SKAP1: variants seen among roughly 807,000 people sequenced by gnomAD.
SKAP1 encodes the protein src kinase associated phosphoprotein 1, also known as src kinase-associated phosphoprotein 1.
Under a neutral mutation model 58.5 loss-of-function variants are expected in SKAP1, and 44 were observed. That is an observed-to-expected ratio of 0.75 (90% CI 0.59 to 0.97). SKAP1 has a LOEUF of 0.97. Ranked by LOEUF, SKAP1 falls within the 50% of genes least tolerant of loss-of-function variation. SKAP1 has a pLI of 0.00. For synonymous variants in SKAP1, 127 were observed against 149.7 expected (o/e 0.85, Z 1.11); for missense variants, 390 against 435.2 (o/e 0.90, Z 0.92).
chr17:48,328,483 C>T (rs2066465552), intron 4 of SKAP1, among the ~76,000 whole-genome samples: 1 of 152,004 alleles, frequency 6.6e-6, no homozygotes, highest in Non-Finnish European at 1.5e-5. Flanking sequence ...TCTGTGATTT[C>T]TATAGGATGA....
chr17:48,156,518 G>A (rs1261731238), intron 11 of SKAP1: 2 of 523,758 alleles, frequency 3.8e-6, no homozygotes, highest in Admixed American at 2.0e-5. Context: ...AGGAAGGGAA[G>A]TTTAGTCCCT....
At chr17:48,310,347 A>T (rs974653668) in intron 4 of SKAP1, among the ~76,000 whole-genome samples, 2 of 152,246 alleles carry the variant, frequency 1.3e-5, no homozygotes, top group Admixed American at 1.3e-4. Flanking sequence ...AGTCAGAGAC[A>T]CTGGTTTGTT....
intron 4 of SKAP1, among the ~76,000 whole-genome samples, chr17:48,312,489 A>G (rs75454710): frequency 6.6e-6 from 1 of 152,238 alleles, no homozygotes; most frequent in Non-Finnish European, 1.5e-5. Flanking sequence ...TTTCTATAAC[A>G]CTATGTGAAA....
At chr17:48,264,146 G>A (rs2065515407) in intron 4 of SKAP1, among the ~76,000 whole-genome samples, 1 of 150,558 alleles carries the variant, frequency 6.6e-6, no homozygotes, top group African/African-American at 2.5e-5. Flanking sequence ...ACATGGAAAT[G>A]GTTAAAATTG....
intron 1 of SKAP1, among the ~76,000 whole-genome samples, chr17:48,411,134 T>G (rs2067659785): frequency 6.6e-6 from 1 of 152,014 alleles, no homozygotes; most frequent in Non-Finnish European, 1.5e-5. Context: ...GCACGGTGGC[T>G]TGTGCCTGTA....
At chr17:48,140,822 AG>A (rs1434696554) in intron 11 of SKAP1, among the ~76,000 whole-genome samples, 2 of 145,132 alleles carry the variant, frequency 1.4e-5, no homozygotes, top group Admixed American at 7.0e-5. Context: ...TCTGTTACCC[AG>A]GCTGCAGTGC....
chr17:48,357,832 C>T (rs559928000), intron 3 of SKAP1, among the ~76,000 whole-genome samples: 2 of 152,222 alleles, frequency 1.3e-5, no homozygotes, highest in East Asian at 3.9e-4. Flanking sequence ...TGTGTGTCCA[C>T]TTGCTACAGA....
At chr17:48,216,944 C>G (rs931643339) in intron 4 of SKAP1, among the ~76,000 whole-genome samples, 2 of 152,122 alleles carry the variant, frequency 1.3e-5, no homozygotes, top group Non-Finnish European at 2.9e-5. Context: ...ATACAAGAAG[C>G]AAAAATTCCA....
intron 4 of SKAP1, among the ~76,000 whole-genome samples, chr17:48,241,034 C>A (rs2065239031): frequency 6.6e-6 from 1 of 152,106 alleles, no homozygotes; most frequent in Admixed American, 6.6e-5. Flanking sequence ...CATGAGACAG[C>A]AAAGTGCTAT....
chr17:48,316,573 CA>C (rs1166324524), intron 4 of SKAP1, among the ~76,000 whole-genome samples: 1 of 152,034 alleles, frequency 6.6e-6, no homozygotes, highest in Non-Finnish European at 1.5e-5. Context: ...CATTATATAA[CA>C]TATCGGCCCC....
At chr17:48,248,012 T>C (rs2065315973) in intron 4 of SKAP1, among the ~76,000 whole-genome samples, 1 of 152,204 alleles carries the variant, frequency 6.6e-6, no homozygotes, top group African/African-American at 2.4e-5. Flanking sequence ...TCTATCTTAT[T>C]CTTTCATTGT....
chr17:48,182,550 C>T, intron 7 of SKAP1, 93 bp from the exon 8 acceptor site: 4 of 845,268 alleles, frequency 4.7e-6, no homozygotes, highest in Non-Finnish European at 7.7e-6. Flanking sequence ...CACTGAGTTT[C>T]AGAGTCAAGT....
rs564623939 is a variant in SKAP1 at position 48,171,809 on chromosome 17, T to C, written c.827-1150A>G. The stretch of plus-strand genomic sequence containing the variant: ...TGGGTGCGGTGGCTCATGCCTGTAA[T>C]CCCAACACTTTGGGAGGCCGAGGCG... On this transcript the variant is annotated intron_variant, in intron 9 of 12. Transcript: ENST00000336915. Among the ~76,000 whole-genome samples, 37 of 151,768 alleles carry C rather than the reference T, an allele frequency of 2.4e-4. No homozygotes were observed. In the South Asian group the frequency reaches 7.5e-3, roughly 31 times the overall value.
intron 4 of SKAP1, chr17:48,307,618 C>T (rs1219244460): frequency 6.6e-6 from 1 of 152,156 alleles, no homozygotes; most frequent in Non-Finnish European, 1.5e-5. Flanking sequence ...TGTATGCAAA[C>T]AGATGTCTGT....
intron 4 of SKAP1, among the ~76,000 whole-genome samples, chr17:48,220,995 A>G (rs2065000118): frequency 6.7e-6 from 1 of 150,330 alleles, no homozygotes. Flanking sequence ...CAGGGTGGGC[A>G]CGGTGGCTCA....
intron 1 of SKAP1, among the ~76,000 whole-genome samples, chr17:48,428,189 TA>T (rs980866894): frequency 1.8e-4 from 26 of 147,144 alleles, no homozygotes; most frequent in Admixed American, 4.1e-4. Flanking sequence ...ATTGCAAACT[TA>T]AAAAAAAAAG....
At chr17:48,399,203 T>C (rs955271235) in intron 1 of SKAP1, among the ~76,000 whole-genome samples, 2 of 152,206 alleles carry the variant, frequency 1.3e-5, no homozygotes, top group African/African-American at 4.8e-5. Flanking sequence ...ACTAGGGTCC[T>C]TTGAATGCTA....
At chr17:48,282,132 T>C (rs1362268949) in intron 4 of SKAP1, among the ~76,000 whole-genome samples, 1 of 152,242 alleles carries the variant, frequency 6.6e-6, no homozygotes, top group Non-Finnish European at 1.5e-5. Context: ...AAAGTTGAAC[T>C]GCACTTAATA....
At chr17:48,190,738 C>T (rs2064530693) in intron 4 of SKAP1, among the ~76,000 whole-genome samples, 1 of 152,140 alleles carries the variant, frequency 6.6e-6, no homozygotes, top group South Asian at 2.1e-4. Flanking sequence ...GTAATCCCAG[C>T]ACTTTGTGGG....
Sources: allele counts gnomAD v4.1 joint callset (sites outside exome capture counted in the v4.1 genomes callset), GRCh38; gene constraint gnomAD v4.1.1; transcripts MANE v1.5; gene names NCBI Gene and HGNC (gene_info 2026-07-23, HGNC 2026-07-21).